The following COA1 variants were observed in gnomAD, a reference collection of about 807,000 sequenced individuals.
The protein encoded by COA1 is cytochrome c oxidase assembly factor 1 homolog.
COA1 carries 13 observed loss-of-function variants against 16.0 expected under a neutral mutation model. That is an observed-to-expected ratio of 0.81 (90% CI 0.53 to 1.29). The LOEUF is 1.29. Ranked by LOEUF, COA1 falls within the 50% of genes most tolerant of loss-of-function variation. The probability of loss-of-function intolerance (pLI) is 0.00; values close to 1 mark genes in which losing one functional copy is unlikely to be tolerated. For synonymous variants in COA1, 65 were observed against 65.7 expected (o/e 0.99, Z 0.05); for missense variants, 179 against 177.0 (o/e 1.01, Z -0.06).
intron 1 of COA1, chr7:43,650,505 G>T (rs1313435032): frequency 6.6e-6 from 1 of 152,158 alleles, no homozygotes; most frequent in Non-Finnish European, 1.5e-5. Context: ...TCATTCACTA[G>T]GCATTTCCTC....
downstream of COA1, among the ~76,000 whole-genome samples, chr7:43,637,737 C>CAAAT (rs773243801): frequency 1.6e-4 from 25 of 152,224 alleles, no homozygotes; most frequent in Middle Eastern, 3.2e-3. Flanking sequence ...TAGCGGCTTT[C>CAAAT]AAATAGAAAT....
At chr7:43,641,272 A>G (rs2086992510) in intron 4 of COA1, among the ~76,000 whole-genome samples, 2 of 148,952 alleles carry the variant, frequency 1.3e-5, no homozygotes, top group Admixed American at 6.8e-5. Context: ...CTCATCAGAT[A>G]GGACGCTTGG....
chr7:43,670,538 C>T (rs2153195813), intron 1 of COA1, among the ~76,000 whole-genome samples: 1 of 152,254 alleles, frequency 6.6e-6, no homozygotes, highest in East Asian at 1.9e-4. Flanking sequence ...TAAACACGTA[C>T]TATATCTAGA....
At chr7:43,654,708 A>C (rs140575363) in intron 1 of COA1, among the ~76,000 whole-genome samples, 180 of 152,354 alleles carry the variant, frequency 1.2e-3, no homozygotes, top group African/African-American at 4.2e-3. Context: ...AAATAACTAG[A>C]GTAAATGGAA....
chr7:43,690,366 TCAA>T (rs1239298888), intron 1 of COA1, among the ~76,000 whole-genome samples: 1 of 152,044 alleles, frequency 6.6e-6, no homozygotes, highest in Non-Finnish European at 1.5e-5. Context: ...CAAATGCCGA[TCAA>T]CGAGTGGATA....
chr7:43,627,947 G>A (rs956255602), intron 6 of COA1, among the ~76,000 whole-genome samples: 3 of 152,036 alleles, frequency 2.0e-5, no homozygotes, highest in African/African-American at 4.8e-5. Context: ...CATCTATGTC[G>A]ATGCTTATAT....
chr7:43,695,871 C>T (rs560633025), intron 1 of COA1, among the ~76,000 whole-genome samples: 1 of 152,328 alleles, frequency 6.6e-6, no homozygotes, highest in East Asian at 1.9e-4. Flanking sequence ...TCCTAGACCC[C>T]AGGGCCTACA....
chr7:43,688,513 C>G (rs938961087), intron 1 of COA1, among the ~76,000 whole-genome samples: 3 of 152,202 alleles, frequency 2.0e-5, no homozygotes, highest in African/African-American at 4.8e-5. Flanking sequence ...GATTAAAAAC[C>G]TCTTTATCAC....
exon 7 of COA1, chr7:43,608,636 A>G (rs2152973314): frequency 5.7e-6 from 2 of 352,814 alleles, no homozygotes; most frequent in Admixed American, 4.7e-5. Context: ...AACTCAAAAT[A>G]TGATAAGACA....
intron 1 of COA1, among the ~76,000 whole-genome samples, chr7:43,667,642 C>G (rs891812154): frequency 6.6e-6 from 1 of 152,140 alleles, no homozygotes; most frequent in Non-Finnish European, 1.5e-5. Flanking sequence ...AACAGATGTT[C>G]TCAAATGCAG....
At chr7:43,644,791 C>CAGAGAGAGAGAGAGAGAG (rs1158900674) in intron 4 of COA1, among the ~76,000 whole-genome samples, 1 of 23,724 alleles carries the variant, frequency 4.2e-5, no homozygotes, top group African/African-American at 1.5e-4. Flanking sequence ...GGCAGGCAGG[C>CAGAGAGAGAGAGAGAGAG]AGAGAGACAG....
At chr7:43,662,153 C>T (rs908844550) in intron 1 of COA1, among the ~76,000 whole-genome samples, 1 of 152,246 alleles carries the variant, frequency 6.6e-6, no homozygotes, top group African/African-American at 2.4e-5. Flanking sequence ...TCTGAAAAGG[C>T]TATTAACATG....
At chr7:43,705,432 G>T (rs34661620) in intron 1 of COA1, among the ~76,000 whole-genome samples, 22,195 of 152,216 alleles carry the variant, frequency 0.15, 2,188 homozygotes, top group Non-Finnish European at 0.21. Context: ...GACAGATACG[G>T]TCTTATGGCA....
chr7:43,679,017 G>T (rs192123098), intron 1 of COA1, among the ~76,000 whole-genome samples: 1 of 152,182 alleles, frequency 6.6e-6, no homozygotes, highest in East Asian at 1.9e-4. Flanking sequence ...GGTGGCTCAC[G>T]CCTGTAATCC....
chr7:43,717,544 G>A (rs1029595234), intron 1 of COA1, among the ~76,000 whole-genome samples: 1 of 152,136 alleles, frequency 6.6e-6, no homozygotes, highest in East Asian at 1.9e-4. Flanking sequence ...GATTTTACGG[G>A]CTTATAGGCA....
chr7:43,630,961 G>C (rs966701668), intron 6 of COA1, among the ~76,000 whole-genome samples: 1 of 151,822 alleles, frequency 6.6e-6, no homozygotes, highest in African/African-American at 2.4e-5. Flanking sequence ...AGACAATTTT[G>C]CTTCCACTAC....
At chr7:43,614,120 T>C (rs1456726632) in intron 6 of COA1, among the ~76,000 whole-genome samples, 5 of 152,202 alleles carry the variant, frequency 3.3e-5, no homozygotes, top group Admixed American at 1.3e-4. Flanking sequence ...CTAAGCCTTA[T>C]TGAGCAGGTT....
intron 1 of COA1, among the ~76,000 whole-genome samples, chr7:43,725,669 C>T (rs953686563): frequency 2.0e-5 from 3 of 152,074 alleles, no homozygotes; most frequent in Non-Finnish European, 4.4e-5. Flanking sequence ...ACCAACCTAG[C>T]CAGCATGGTG....
chr7:43,691,261 A>AAAGG (rs1341636670), intron 1 of COA1, among the ~76,000 whole-genome samples: 3 of 30,538 alleles, frequency 9.8e-5, no homozygotes, highest in African/African-American at 7.8e-4. Flanking sequence ...AAAAAGAAAG[A>AAAGG]AAGAAAAGAA....
Sources: gnomAD v4.1 joint callset for allele counts (sites outside exome capture counted in the v4.1 genomes callset) on GRCh38, gnomAD v4.1.1 for gene constraint, MANE v1.5 for transcripts, NCBI Gene and HGNC (gene_info 2026-07-23, HGNC 2026-07-21) for gene names.